RIMS2: variants seen among roughly 807,000 people sequenced by gnomAD.
The protein encoded by RIMS2 is regulating synaptic membrane exocytosis protein 2.
In RIMS2, 59 loss-of-function variants were observed where a neutral mutation model predicts 174.4. The observed-to-expected ratio is 0.34, with a 90% CI of 0.27 to 0.42. RIMS2 has a LOEUF of 0.42. RIMS2 is among the 10% of genes least tolerant of loss of function. The pLI is 1.00. For missense variants in RIMS2, 1,620 were observed against 1,666.3 expected (o/e 0.97, Z 0.48); for synonymous variants, 606 against 572.5 (o/e 1.06, Z -0.84).
intron 8 of RIMS2, 58 bp downstream of exon 11, chr8:103,916,595 T>C: frequency 1.5e-6 from 2 of 1,310,974 alleles, no homozygotes; most frequent in Non-Finnish European, 2.1e-6. Context: ...AAACAATATG[T>C]AATGTGCCAT....
intron 4 of RIMS2, among the ~76,000 whole-genome samples, chr8:103,892,340 C>A (rs2099251208): frequency 6.6e-6 from 1 of 151,256 alleles, no homozygotes; most frequent in Non-Finnish European, 1.5e-5. Flanking sequence ...GTAGCTGGGA[C>A]CACAGGCTTT....
At chr8:103,726,763 C>T (rs990876840) in intron 2 of RIMS2, among the ~76,000 whole-genome samples, 1 of 148,886 alleles carries the variant, frequency 6.7e-6, no homozygotes, top group Non-Finnish European at 1.5e-5. Context: ...GACAGAGTCT[C>T]GCTTTGTAGC....
intron 4 of RIMS2, among the ~76,000 whole-genome samples, chr8:103,887,942 T>A (rs2099215449): frequency 6.6e-6 from 1 of 151,560 alleles, no homozygotes; most frequent in Admixed American, 6.6e-5. Context: ...TTGCAGATAA[T>A]CTCTTGGAGT....
intron 1 of RIMS2, among the ~76,000 whole-genome samples, chr8:103,510,491 T>A (rs1014680115): frequency 2.6e-5 from 4 of 152,192 alleles, no homozygotes; most frequent in Admixed American, 6.5e-5. Flanking sequence ...AGGAGGATTG[T>A]TTCCTTGCTC....
intron 19 of RIMS2, among the ~76,000 whole-genome samples, chr8:104,117,290 T>C (rs2098294047): frequency 6.6e-6 from 1 of 152,222 alleles, no homozygotes; most frequent in African/African-American, 2.4e-5. Flanking sequence ...TTCTGTAAGT[T>C]TTGGATATCT....
At chr8:103,916,747 A>G (rs1484942915) in intron 8 of RIMS2, among the ~76,000 whole-genome samples, 1 of 152,138 alleles carries the variant, frequency 6.6e-6, no homozygotes, top group African/African-American at 2.4e-5. Context: ...AGTTAATTAC[A>G]AAAGAAGAAG....
intron 3 of RIMS2, among the ~76,000 whole-genome samples, chr8:103,803,474 T>TA (rs565162436): frequency 1.3e-5 from 2 of 152,106 alleles, no homozygotes; most frequent in African/African-American, 2.4e-5. Flanking sequence ...AAATAACTGA[T>TA]AAAAAAATTT....
intron 1 of RIMS2, among the ~76,000 whole-genome samples, chr8:103,671,383 T>G (rs559415602): frequency 2.6e-5 from 4 of 152,246 alleles, no homozygotes; most frequent in African/African-American, 9.6e-5. Flanking sequence ...TGATTTATTA[T>G]GAAAACCTGG....
At chr8:103,986,141 T>C (rs1325446987) in intron 16 of RIMS2, among the ~76,000 whole-genome samples, 1 of 152,204 alleles carries the variant, frequency 6.6e-6, no homozygotes, top group Admixed American at 6.5e-5. Context: ...GTTAAATAGC[T>C]TGATTTAGCC....
intron 14 of RIMS2, among the ~76,000 whole-genome samples, chr8:103,949,823 T>A (rs1358649902): frequency 6.6e-6 from 1 of 151,936 alleles, no homozygotes; most frequent in Admixed American, 6.6e-5. Context: ...GAAAGTCAAT[T>A]GAGAAAGTAA....
Position 104,148,902 on chromosome 8 carries a change from A to G in RIMS2, c.3335-96014A>G, listed in dbSNP as rs183992105. The G allele has an allele frequency of 1.6e-4, 251 of 1,539,262 alleles. 5 individuals are homozygous for G. The Admixed American group carries it at 4.3e-3, about 26-fold the overall frequency. On this transcript the variant is annotated intron_variant, in intron 19 of 23. Transcript: ENST00000504942. Reference sequence around the variant, plus strand: ...GATATTTGAGTTGTCATTACAAGATATATTTCTTTTCTCTTACTCATTTTA... The same window carrying G: ...GATATTTGAGTTGTCATTACAAGATGTATTTCTTTTCTCTTACTCATTTTA...
chr8:104,145,848 C>T (rs921963214), intron 19 of RIMS2, among the ~76,000 whole-genome samples: 28 of 151,094 alleles, frequency 1.9e-4, no homozygotes, highest in African/African-American at 3.9e-4. Flanking sequence ...GCAACAAGAG[C>T]GAAACTCCAT....
chr8:103,841,309 CT>C (rs1206591079), intron 3 of RIMS2, among the ~76,000 whole-genome samples: 2 of 152,116 alleles, frequency 1.3e-5, no homozygotes, highest in African/African-American at 4.8e-5. Flanking sequence ...GAAATTGCTG[CT>C]TTTTTTCTTA....
At chr8:103,534,560 T>A (rs1459163772) in intron 1 of RIMS2, among the ~76,000 whole-genome samples, 1 of 152,150 alleles carries the variant, frequency 6.6e-6, no homozygotes, top group Non-Finnish European at 1.5e-5. Context: ...TTGATATCAG[T>A]ACGTATTTGT....
intron 3 of RIMS2, among the ~76,000 whole-genome samples, chr8:103,880,236 G>T (rs555993126): frequency 6.6e-6 from 1 of 151,534 alleles, no homozygotes; most frequent in East Asian, 1.9e-4. Context: ...ATAGGAGAAG[G>T]TGATTTATAA....
chr8:103,787,487 C>T (rs1412852870), intron 3 of RIMS2, among the ~76,000 whole-genome samples: 1 of 151,014 alleles, frequency 6.6e-6, no homozygotes, highest in African/African-American at 2.4e-5. Flanking sequence ...AATCTCTCAG[C>T]ATTTGCTTGT....
intron 3 of RIMS2, among the ~76,000 whole-genome samples, chr8:103,767,140 A>C (rs3110460): frequency 0.84 from 127,977 of 151,860 alleles, 54,431 homozygotes; most frequent in African/African-American, 0.96. Flanking sequence ...TCTTATATTT[A>C]CTACCTTTGG....
chr8:103,581,299 G>A (rs949067883), intron 1 of RIMS2, among the ~76,000 whole-genome samples: 8 of 152,188 alleles, frequency 5.3e-5, no homozygotes, highest in South Asian at 2.1e-4. Context: ...AGTGGGATTC[G>A]TCCCAGGGAA....
intron 19 of RIMS2, among the ~76,000 whole-genome samples, chr8:104,160,228 T>G (rs1220154271): frequency 2.6e-5 from 4 of 152,176 alleles, no homozygotes; most frequent in African/African-American, 9.6e-5. Context: ...ATAAATTTCT[T>G]GAGGGAAGGA....
Sources: allele counts gnomAD v4.1 joint callset (sites outside exome capture counted in the v4.1 genomes callset), GRCh38; gene constraint gnomAD v4.1.1; transcripts MANE v1.5; gene names NCBI Gene and HGNC (gene_info 2026-07-23, HGNC 2026-07-21).